The following TKT variants were observed in gnomAD, a reference collection of about 807,000 sequenced individuals.
TKT encodes the protein epididymis luminal protein 107.
Under a neutral mutation model 63.9 loss-of-function variants are expected in TKT, and 47 were observed. That is an observed-to-expected ratio of 0.74 (90% CI 0.58 to 0.94). TKT has a LOEUF of 0.94. Ranked by LOEUF, TKT falls within the 40% of genes least tolerant of loss-of-function variation. The pLI, the probability that TKT is intolerant of heterozygous loss-of-function variation, is 0.00. For missense variants in TKT, 721 were observed against 846.2 expected (o/e 0.85, Z 1.84); for synonymous variants, 338 against 334.1 (o/e 1.01, Z -0.13).
At chr3:53,234,881 T>C (rs1704941045) in intron 5 of TKT, 102 bp downstream of exon 5, 13 of 1,265,600 alleles carry the variant, frequency 1.0e-5, no homozygotes, top group Non-Finnish European at 1.1e-6. Flanking sequence ...TAGATGGTGC[T>C]TAAGGTCCCA....
intron 12 of TKT, 161 bp downstream of exon 12, chr3:53,227,895 C>CAAAG: frequency 3.1e-6 from 2 of 647,354 alleles, no homozygotes; most frequent in Non-Finnish European, 5.2e-6. Flanking sequence ...AACAAGTGCT[C>CAAAG]AAAGGATGGC....
intron 8 of TKT, 44 bp downstream of exon 8, chr3:53,230,413 C>T (rs782439899): frequency 3.1e-6 from 5 of 1,612,838 alleles, no homozygotes; most frequent in African/African-American, 2.7e-5. Flanking sequence ...AGACCACAGC[C>T]CTCAGCCTTG....
At chr3:53,250,330 G>C (rs1248860025) in intron 1 of TKT, among the ~76,000 whole-genome samples, 2 of 152,156 alleles carry the variant, frequency 1.3e-5, no homozygotes, top group African/African-American at 4.8e-5. Context: ...GTCAGAGCTG[G>C]GTAAACTGGG....
chr3:53,247,035 A>C (rs1322219611), intron 1 of TKT, among the ~76,000 whole-genome samples: 2 of 151,626 alleles, frequency 1.3e-5, no homozygotes, highest in African/African-American at 2.4e-5. Flanking sequence ...ACAAGAGTAC[A>C]TCATTTATCT....
rs1553676771 is a variant in TKT, at chr3:53,230,523, G to A, written c.1041C>T (p.Phe347=). The A allele has an allele frequency of 6.2e-6, 10 of 1,614,248 alleles. No individual in the cohort carries two copies. The highest frequency in any genetic ancestry group is 1.1e-5 in the South Asian group (1 of 91,088). Residue 347 remains phenylalanine, a synonymous_variant, in exon 8 of 14, where the codon TTC becomes TTT. Transcript: ENST00000462138. ...ALDGDTKNST[F]SEIFKKEHPD... ...GGTGCTCCTTTTTGAAGATCTCCGA[G>A]AAGGTGGAATTTTTGGTGTCCCCAT...
At chr3:53,237,260 C>T (rs915161416) in intron 4 of TKT, among the ~76,000 whole-genome samples, 1 of 151,896 alleles carries the variant, frequency 6.6e-6, no homozygotes. Context: ...TGGTGGTGCG[C>T]GTCTGTAATC....
intron 1 of TKT, among the ~76,000 whole-genome samples, chr3:53,246,978 C>G (rs1178400755): frequency 6.6e-6 from 1 of 151,984 alleles, no homozygotes; most frequent in Non-Finnish European, 1.5e-5. Flanking sequence ...CTGTAATGTA[C>G]TAGTTCTTAA....
intron 1 of TKT, among the ~76,000 whole-genome samples, chr3:53,248,172 T>C (rs4687717): frequency 0.51 from 77,855 of 152,076 alleles, 21,206 homozygotes; most frequent in South Asian, 0.68. Flanking sequence ...TCAGTAAATA[T>C]TAGACTATGC....
chr3:53,243,631 G>A (rs1553680375), intron 1 of TKT: 1 of 456,620 alleles, frequency 2.2e-6, no homozygotes, highest in Admixed American at 2.3e-5. Flanking sequence ...ACCTGAAAGA[G>A]GGAGGGGAGG....
At chr3:53,254,372 C>G (rs532575751) in intron 1 of TKT, among the ~76,000 whole-genome samples, 41 of 152,264 alleles carry the variant, frequency 2.7e-4, no homozygotes, top group Middle Eastern at 3.4e-3. Flanking sequence ...TGACACAAAC[C>G]CAGGAGAGCT....
chr3:53,237,454 T>C (rs1484904679), intron 4 of TKT, among the ~76,000 whole-genome samples: 2 of 150,198 alleles, frequency 1.3e-5, no homozygotes, highest in Non-Finnish European at 2.9e-5. Flanking sequence ...AAGCTCATGA[T>C]AGAAGGCTTG....
chr3:53,255,992 G>T lies in TKT; in HGVS notation c.-50C>A. ...CACACGCGGACACACAGAGATAGCG[G>T]CTGCTCCCGCGGCGACAGGCGGCTG... On this transcript the variant is annotated 5_prime_UTR_variant, in exon 1 of 14. Transcript: ENST00000462138. 1 of 1,329,828 alleles carries T rather than the reference G, an allele frequency of 7.5e-7. No individual in the cohort carries two copies. Among genetic ancestry groups the T allele is most frequent in the Non-Finnish European group, 1.0e-6 (1 of 999,656 alleles). The allele number at this position is 1,329,828 out of a possible 1,614,324, so 82.4% of individuals were successfully genotyped here. A position where few individuals can be genotyped will look rare whatever the true frequency, so the allele number is the denominator to read the frequency against.
In TKT at chr3:53,225,846, T is replaced by C. The variant is rs146102577; in HGVS notation, c.1782A>G (p.Arg594=). 1,137 of 1,614,038 alleles carry C rather than the reference T, an allele frequency of 7.0e-4. 1 individual carries two copies. Among genetic ancestry groups the C allele is most frequent in the African/African-American group, 4.3e-3 (319 of 75,004 alleles). Reference sequence around the variant, plus strand: ...TCAGCAGCTCAGCCGGCTTCCCACTTCTTGGTACCCGGTTAACTGCCAGGT... The same window carrying C: ...TCAGCAGCTCAGCCGGCTTCCCACTCCTTGGTACCCGGTTAACTGCCAGGT... ...VTHLAVNRVP[R]SGKPAELLKM... The change falls in exon 14 of 14, where the codon AGA becomes AGG. Residue 594 remains arginine, a synonymous_variant. Coordinates refer to ENST00000462138, the MANE Select transcript of TKT (RefSeq NM_001064.4).
intron 12 of TKT, chr3:53,227,183 C>T (rs974749973): frequency 2.2e-5 from 6 of 277,212 alleles, no homozygotes; most frequent in Non-Finnish European, 4.1e-5. Flanking sequence ...AAAGGGAATG[C>T]GAGAGAAAAC....
chr3:53,233,312 G>C lies in TKT; in HGVS notation c.630-38C>G, dbSNP rs782810995. The C allele has an allele frequency of 8.4e-6, 13 of 1,546,448 alleles. No individual in the cohort carries two copies. The Admixed American group carries it at 8.9e-5, about 11-fold the overall frequency. On this transcript the variant is annotated intron_variant, in intron 5 of 13. Transcript: ENST00000462138. ...GGCAGAGAGTAAGGGGCAATTCCCA[G>C]GGGCCACAACACCGAGGAGCCTTCC...
At chr3:53,250,524 C>G (rs1427928934) in intron 1 of TKT, among the ~76,000 whole-genome samples, 1 of 152,184 alleles carries the variant, frequency 6.6e-6, no homozygotes, top group African/African-American at 2.4e-5. Flanking sequence ...AATCCCAGTA[C>G]TCTAGGGAAG....
At position 53,225,587 on chromosome 3, in the gene TKT, T is replaced by C; in HGVS notation, c.*169A>G. The C allele has an allele frequency of 3.6e-6, 3 of 830,198 alleles. No individual in the cohort carries two copies. Among genetic ancestry groups the C allele is most frequent in the Non-Finnish European group, 5.3e-6 (3 of 563,758 alleles). 51.4% of individuals were successfully genotyped at this position (830,198 alleles called of 1,614,324 possible). ...AGCCTCCCTAGCGCACCCTCCACGC[T>C]TCTTCCCCAGAACCTGCACTGGCTG... On this transcript the variant is annotated 3_prime_UTR_variant, in exon 14 of 14. Coordinates refer to ENST00000462138, the MANE Select transcript of TKT (RefSeq NM_001064.4).
intron 1 of TKT, among the ~76,000 whole-genome samples, chr3:53,249,033 C>G (rs1484254882): frequency 6.6e-6 from 1 of 152,026 alleles, no homozygotes; most frequent in East Asian, 2.0e-4. Context: ...GTGGTACAAT[C>G]TTGGCTCACT....
At chr3:53,241,722 C>T (rs1245281922) in intron 2 of TKT, among the ~76,000 whole-genome samples, 4 of 152,202 alleles carry the variant, frequency 2.6e-5, no homozygotes, top group African/African-American at 9.6e-5. Context: ...ACCACCACCC[C>T]GAGGGGGCAA....
Sources: allele counts gnomAD v4.1 joint callset (sites outside exome capture counted in the v4.1 genomes callset), GRCh38; gene constraint gnomAD v4.1.1; transcripts MANE v1.5; gene names NCBI Gene and HGNC (gene_info 2026-07-23, HGNC 2026-07-21).